RFX3: variants seen among roughly 807,000 people sequenced by gnomAD.
RFX3 encodes regulatory factor X3.
In RFX3, 14 loss-of-function variants were observed where a neutral mutation model predicts 98.6. The ratio of observed to expected loss-of-function variants is 0.14; its 90% CI spans 0.09 to 0.22. RFX3 has a LOEUF of 0.22. Ranked by LOEUF, RFX3 falls within the 10% of genes least tolerant of loss-of-function variation. RFX3 has a pLI of 1.00. For synonymous variants in RFX3, 383 were observed against 328.4 expected, an observed-to-expected ratio of 1.17 and a Z score of -1.80; for missense variants, 639 against 926.9, an observed-to-expected ratio of 0.69 and a Z score of 4.03.
intron 3 of RFX3, among the ~76,000 whole-genome samples, chr9:3,335,061 G>C (rs1587136516): frequency 6.6e-6 from 1 of 152,062 alleles, no homozygotes; most frequent in East Asian, 1.9e-4. Flanking sequence ...GGAGGTTGCA[G>C]TGAGCCGAGG....
intron 7 of RFX3, among the ~76,000 whole-genome samples, chr9:3,277,768 T>A (rs1825428150): frequency 6.6e-6 from 1 of 151,980 alleles, no homozygotes; most frequent in South Asian, 2.1e-4. Context: ...ATGATTAAGT[T>A]TTAATACACA....
chr9:3,360,545 A>G (rs567347386), intron 2 of RFX3, among the ~76,000 whole-genome samples: 32 of 152,150 alleles, frequency 2.1e-4, no homozygotes, highest in Non-Finnish European at 2.5e-4. Flanking sequence ...AAATATAAAT[A>G]TATGCATGAT....
chr9:3,399,490 C>T (rs1279925896), intron 1 of RFX3, among the ~76,000 whole-genome samples: 1 of 151,898 alleles, frequency 6.6e-6, no homozygotes, highest in African/African-American at 2.4e-5. Context: ...TTTCTTGAAA[C>T]ATCTGAAAAT....
At chr9:3,522,689 G>A (rs1375907637) in intron 1 of RFX3, among the ~76,000 whole-genome samples, 3 of 151,808 alleles carry the variant, frequency 2.0e-5, no homozygotes, top group Non-Finnish European at 2.9e-5. Context: ...ATTATATTCT[G>A]CCTGCTAATT....
At chr9:3,390,392 G>C (rs966486893) in intron 2 of RFX3, among the ~76,000 whole-genome samples, 1 of 152,200 alleles carries the variant, frequency 6.6e-6, no homozygotes, top group Non-Finnish European at 1.5e-5. Flanking sequence ...TTGTGAGAAA[G>C]TTTGGAACTC....
intron 1 of RFX3, among the ~76,000 whole-genome samples, chr9:3,518,956 T>C (rs1429178636): frequency 6.6e-6 from 1 of 152,222 alleles, no homozygotes; most frequent in Non-Finnish European, 1.5e-5. Flanking sequence ...AATAATTCTT[T>C]GATAAACTCA....
At position 3,228,873 on chromosome 9, in the gene RFX3, G is replaced by A. The variant is rs1473278926; in HGVS notation, c.1985C>T (p.Ala662Val). The A allele has an allele frequency of 1.2e-6, 2 of 1,610,136 alleles. No homozygotes were observed. The highest frequency in any genetic ancestry group is 2.2e-5 in the East Asian group (1 of 44,752). ...TTTATCCAGATTTCCAGGAGACACG[G>A]CATTTAAATCACCAAACTGCAAAAC... Reference protein sequence around the residue: ...AVMGEFGDLNAVSPGNLDKDE... With the variant: ...AVMGEFGDLNVVSPGNLDKDE... The change falls in exon 16 of 17, where the codon GCC (alanine) becomes GTC (valine). Residue 662 changes from alanine to valine, a missense_variant. Transcript: ENST00000617270.
intron 1 of RFX3, among the ~76,000 whole-genome samples, chr9:3,415,835 AC>A (rs1036076797): frequency 1.3e-5 from 2 of 152,030 alleles, no homozygotes; most frequent in Non-Finnish European, 2.9e-5. Context: ...ATCAGTGCTG[AC>A]CCCTCAATCT....
At chr9:3,502,359 A>G (rs1257964816) in intron 1 of RFX3, among the ~76,000 whole-genome samples, 2 of 152,162 alleles carry the variant, frequency 1.3e-5, no homozygotes, top group Admixed American at 1.3e-4. Flanking sequence ...TTTGAAATCA[A>G]TAATTGAGGA....
chr9:3,449,800 T>C (rs187935235), intron 1 of RFX3, among the ~76,000 whole-genome samples: 236 of 149,918 alleles, frequency 1.6e-3, no homozygotes, highest in African/African-American at 5.5e-3. Flanking sequence ...CTACAATTAC[T>C]GAGGCTGCAG....
intron 2 of RFX3, among the ~76,000 whole-genome samples, chr9:3,379,796 A>G (rs1309711820): frequency 6.6e-6 from 1 of 152,204 alleles, no homozygotes; most frequent in Non-Finnish European, 1.5e-5. Context: ...AATAATTTGT[A>G]CTTATATCTG....
chr9:3,416,095 T>C (rs1329111397), intron 1 of RFX3, among the ~76,000 whole-genome samples: 3 of 152,212 alleles, frequency 2.0e-5, no homozygotes. Context: ...ATAAGAGCAC[T>C]TACTTGGGAG....
At chr9:3,466,869 T>C (rs1848267774) in intron 1 of RFX3, among the ~76,000 whole-genome samples, 1 of 151,660 alleles carries the variant, frequency 6.6e-6, no homozygotes, top group African/African-American at 2.4e-5. Context: ...CTTGGATCTT[T>C]TATTTACAAA....
At chr9:3,511,842 G>A (rs1817690107) in intron 1 of RFX3, among the ~76,000 whole-genome samples, 1 of 152,006 alleles carries the variant, frequency 6.6e-6, no homozygotes, top group African/African-American at 2.4e-5. Flanking sequence ...CTAAACAAAA[G>A]ATATGACCGG....
At chr9:3,279,385 A>C in intron 7 of RFX3, among the ~76,000 whole-genome samples, 1 of 151,858 alleles carries the variant, frequency 6.6e-6, no homozygotes, top group East Asian at 1.9e-4. Context: ...GCTTGAATAA[A>C]AGTGGTTAAA....
chr9:3,300,670 A>T (rs1252465669), intron 5 of RFX3, among the ~76,000 whole-genome samples: 2 of 151,878 alleles, frequency 1.3e-5, no homozygotes, highest in Non-Finnish European at 1.5e-5. Context: ...TTGTGGGAGA[A>T]AATTCTAAAC....
intron 5 of RFX3, among the ~76,000 whole-genome samples, chr9:3,294,038 T>C (rs1212719057): frequency 6.6e-6 from 1 of 152,190 alleles, no homozygotes; most frequent in Non-Finnish European, 1.5e-5. Context: ...TTATCCTGTG[T>C]ACATTACAAA....
At chr9:3,481,648 C>A (rs1849775096) in intron 1 of RFX3, among the ~76,000 whole-genome samples, 2 of 151,460 alleles carry the variant, frequency 1.3e-5, no homozygotes, top group South Asian at 4.2e-4. Context: ...AAAAAAGGTG[C>A]ATTATGGATC....
chr9:3,517,800 T>C (rs766663511), intron 1 of RFX3, among the ~76,000 whole-genome samples: 1 of 152,184 alleles, frequency 6.6e-6, no homozygotes, highest in African/African-American at 2.4e-5. Flanking sequence ...GGTTATAAAT[T>C]TGTCCAAGAG....
Sources: allele counts gnomAD v4.1 joint callset (sites outside exome capture counted in the v4.1 genomes callset), GRCh38; gene constraint gnomAD v4.1.1; transcripts MANE v1.5; gene names NCBI Gene and HGNC (gene_info 2026-07-23, HGNC 2026-07-21).